The following GRM7 variants were observed in gnomAD, a reference collection of about 807,000 sequenced individuals.
GRM7 encodes the protein glutamate metabotropic receptor 7, also known as metabotropic glutamate receptor 7.
A neutral mutation model predicts 84.5 loss-of-function variants in GRM7; 35 were observed. That is an observed-to-expected ratio of 0.41 (90% CI 0.32 to 0.55). GRM7 has a LOEUF of 0.55. Among genes scored for constraint, GRM7 ranks in the 20% least tolerant of loss-of-function variants. GRM7 has a pLI of 0.19. For missense variants in GRM7, 1,003 were observed against 1,194.6 expected (o/e 0.84, Z 2.36); for synonymous variants, 487 against 455.1 (o/e 1.07, Z -0.89).
intron 2 of GRM7, among the ~76,000 whole-genome samples, chr3:7,214,692 C>T (rs1314491461): frequency 1.3e-5 from 2 of 152,150 alleles, no homozygotes; most frequent in South Asian, 2.1e-4. Context: ...CATAAATCTT[C>T]CTGAGGCAGA....
chr3:7,086,012 A>G lies in GRM7; in HGVS notation c.520-60440A>G, dbSNP rs377011092. ...GACTTGGCTTTGGGTTGATAAGGAC[A>G]GTAAAAGTTCTTTCCTGGTTTAAAA... On this transcript the variant is annotated intron_variant, in intron 1 of 9. Transcript: ENST00000357716. Among the ~76,000 whole-genome samples, 5 of 151,194 alleles carry G rather than the reference A, an allele frequency of 3.3e-5. No individual in the cohort carries two copies. The East Asian group carries it at 9.7e-4, about 29-fold the overall frequency.
At chr3:7,619,935 T>C (rs570879423) in intron 8 of GRM7, among the ~76,000 whole-genome samples, 56 of 152,294 alleles carry the variant, frequency 3.7e-4, no homozygotes, top group Non-Finnish European at 2.1e-4. Context: ...ATGACGTTTT[T>C]CTTAAAATTC....
chr3:7,661,802 A>AAAAAG, intron 8 of GRM7, among the ~76,000 whole-genome samples: 1 of 141,440 alleles, frequency 7.1e-6, no homozygotes, highest in Non-Finnish European at 1.5e-5. Flanking sequence ...CTCAAAAAAA[A>AAAAAG]AAAAAAAAAA....
chr3:7,570,643 G>C (rs1055946800), intron 7 of GRM7, among the ~76,000 whole-genome samples: 1 of 152,196 alleles, frequency 6.6e-6, no homozygotes, highest in Non-Finnish European at 1.5e-5. Flanking sequence ...TGGCATTGAG[G>C]GTCTGTGGCT....
intron 1 of GRM7, among the ~76,000 whole-genome samples, chr3:7,002,719 C>T (rs1055079705): frequency 6.6e-6 from 1 of 152,072 alleles, no homozygotes; most frequent in East Asian, 1.9e-4. Flanking sequence ...CCCAACGATC[C>T]AGCAATCCCA....
chr3:7,422,636 C>T (rs1696444612), intron 5 of GRM7, among the ~76,000 whole-genome samples: 1 of 152,136 alleles, frequency 6.6e-6, no homozygotes, highest in Non-Finnish European at 1.5e-5. Context: ...TTGTATATGG[C>T]ATATGTTTCA....
chr3:7,312,367 C>A (rs1700428848), intron 4 of GRM7, among the ~76,000 whole-genome samples: 3 of 151,930 alleles, frequency 2.0e-5, no homozygotes. Context: ...AAGAAGAGAG[C>A]AGTTCCTCAA....
chr3:7,052,176 A>G (rs185766482), intron 1 of GRM7, among the ~76,000 whole-genome samples: 2 of 151,740 alleles, frequency 1.3e-5, no homozygotes, highest in African/African-American at 4.8e-5. Context: ...TTTATGAATC[A>G]GTGATTATCT....
At chr3:6,985,378 G>C (rs1694371148) in intron 1 of GRM7, among the ~76,000 whole-genome samples, 1 of 151,782 alleles carries the variant, frequency 6.6e-6, no homozygotes, top group Admixed American at 6.6e-5. Flanking sequence ...CCCAGCCTCT[G>C]GTAATCATTC....
intron 1 of GRM7, among the ~76,000 whole-genome samples, chr3:7,093,674 C>T (rs1574892598): frequency 2.3e-5 from 1 of 42,936 alleles, no homozygotes; most frequent in Admixed American, 5.2e-4. Flanking sequence ...AAGACTCTGT[C>T]TCAAAAAAAA....
intron 7 of GRM7, among the ~76,000 whole-genome samples, chr3:7,542,650 C>T (rs1305165737): frequency 1.3e-5 from 2 of 151,140 alleles, no homozygotes; most frequent in Non-Finnish European, 2.9e-5. Context: ...CGGGTTCAAG[C>T]GAATCTCCTG....
chr3:7,095,168 T>C (rs141670262), intron 1 of GRM7, among the ~76,000 whole-genome samples: 224 of 152,278 alleles, frequency 1.5e-3, no homozygotes, highest in African/African-American at 5.0e-3. Context: ...ACTTTTCACT[T>C]TCAACATACT....
chr3:7,649,754 C>T (rs1698839615), intron 8 of GRM7, among the ~76,000 whole-genome samples: 1 of 152,028 alleles, frequency 6.6e-6, no homozygotes, highest in South Asian at 2.1e-4. Context: ...CTCCCTAAAA[C>T]TATTCCTAAT....
At chr3:7,237,829 G>A (rs577859635) in intron 2 of GRM7, among the ~76,000 whole-genome samples, 10 of 152,196 alleles carry the variant, frequency 6.6e-5, no homozygotes, top group East Asian at 1.9e-4. Flanking sequence ...ATTTTGCAGC[G>A]TAACGATTGG....
intron 5 of GRM7, among the ~76,000 whole-genome samples, chr3:7,450,939 G>A (rs1417349393): frequency 1.0e-5 from 1 of 95,388 alleles, no homozygotes; most frequent in Non-Finnish European, 2.4e-5. Context: ...TATGTTAAAT[G>A]TTCTGGAAAA....
intron 9 of GRM7, among the ~76,000 whole-genome samples, chr3:7,687,331 C>T (rs1700624700): frequency 1.3e-5 from 2 of 152,110 alleles, no homozygotes; most frequent in African/African-American, 2.4e-5. Context: ...TAGGCTCTCA[C>T]TAAAGAAAAT....
rs562301667 is a variant in GRM7 at position 7,288,925 on chromosome 3, G to A, written c.737-9759G>A. ...GAAGTTTTCTGGATGGATCCCACAT[G>A]GACATGTTATCCTATCATCCTCTAA... On this transcript the variant is annotated intron_variant, in intron 2 of 9. Transcript: ENST00000357716. 2.8e-3 allele frequency among the ~76,000 whole-genome samples: 431 copies of A among 152,146 alleles called. 2 individuals are homozygous for A. The highest frequency in any genetic ancestry group is 3.4e-3 in the Middle Eastern group (1 of 294).
intron 1 of GRM7, among the ~76,000 whole-genome samples, chr3:6,886,135 C>T (rs987788485): frequency 2.0e-5 from 3 of 151,818 alleles, no homozygotes; most frequent in Non-Finnish European, 4.4e-5. Flanking sequence ...ATGGTGAGGA[C>T]ACTAAGATTT....
rs145185924 is a variant in GRM7 at position 7,407,325 on chromosome 3, TTA to T, written c.1034-7696_1034-7695del. Among the ~76,000 whole-genome samples the T allele has an allele frequency of 2.4e-3, 369 of 152,266 alleles. 2 individuals carry two copies. Among genetic ancestry groups the T allele is most frequent in the African/African-American group, 8.4e-3 (348 of 41,528 alleles). ...ATCATCCTCTAGAGGGATGGTCATT[TTA>T]TGTTTCATTCTACTGACCTTGTGCA... On this transcript the variant is annotated intron_variant, in intron 4 of 9. Transcript: ENST00000357716.
Sources: gnomAD v4.1 joint callset for allele counts (sites outside exome capture counted in the v4.1 genomes callset) on GRCh38, gnomAD v4.1.1 for gene constraint, MANE v1.5 for transcripts, NCBI Gene and HGNC (gene_info 2026-07-23, HGNC 2026-07-21) for gene names.